PALM2AKAP2: variants seen among roughly 807,000 people sequenced by gnomAD.
PALM2AKAP2 encodes the protein PALM2 and AKAP2 fusion, also known as PALM2-AKAP2 fusion protein.
PALM2AKAP2 carries 37 observed loss-of-function variants against 71.5 expected under a neutral mutation model. The observed-to-expected ratio is 0.52, with a 90% confidence interval of 0.40 to 0.68. The LOEUF (loss-of-function observed/expected upper bound fraction) is 0.68. Ranked by LOEUF, PALM2AKAP2 falls within the 30% of genes least tolerant of loss-of-function variation. The pLI is 0.00. For missense variants in PALM2AKAP2, 1,224 were observed against 1,191.8 expected (o/e 1.03, Z -0.40); for synonymous variants, 468 against 478.8 (o/e 0.98, Z 0.29).
intron 7 of PALM2AKAP2, among the ~76,000 whole-genome samples, chr9:110,032,938 T>A (rs1389819343): frequency 6.6e-6 from 1 of 151,866 alleles, no homozygotes; most frequent in Middle Eastern, 3.4e-3. Flanking sequence ...CCTATTTCTA[T>A]TATAAATAAA....
intron 5 of PALM2AKAP2, among the ~76,000 whole-genome samples, chr9:109,928,579 TA>T (rs1831009580): frequency 6.6e-6 from 1 of 152,188 alleles, no homozygotes; most frequent in Non-Finnish European, 1.5e-5. Context: ...CCTGTCTATA[TA>T]ACCTTAGGGT....
At chr9:109,717,160 T>C (rs1828337235) in intron 1 of PALM2AKAP2, among the ~76,000 whole-genome samples, 1 of 152,052 alleles carries the variant, frequency 6.6e-6, no homozygotes, top group East Asian at 1.9e-4. Flanking sequence ...TAAAAGGTCA[T>C]GATGAAAGAA....
intron 1 of PALM2AKAP2, among the ~76,000 whole-genome samples, chr9:109,720,837 A>G (rs930829750): frequency 6.6e-5 from 10 of 152,178 alleles, no homozygotes; most frequent in African/African-American, 2.4e-4. Context: ...CTTTCAATGA[A>G]TGTTTACTGA....
At chr9:109,987,289 C>G (rs902157708) in intron 6 of PALM2AKAP2, among the ~76,000 whole-genome samples, 2 of 152,070 alleles carry the variant, frequency 1.3e-5, no homozygotes, top group Non-Finnish European at 2.9e-5. Flanking sequence ...CGCCACCACA[C>G]CTGGCTTATT....
At chr9:110,118,513 G>T (rs1835416411) in intron 1 of PALM2AKAP2, among the ~76,000 whole-genome samples, 1 of 152,126 alleles carries the variant, frequency 6.6e-6, no homozygotes, top group Non-Finnish European at 1.5e-5. Flanking sequence ...CTCCCAAAGT[G>T]CTGGGATTAC....
intron 6 of PALM2AKAP2, among the ~76,000 whole-genome samples, chr9:109,993,937 T>A (rs1832527608): frequency 6.6e-6 from 1 of 152,102 alleles, no homozygotes; most frequent in Non-Finnish European, 1.5e-5. Context: ...TCAGCCTCTC[T>A]CTTTTTTCTC....
At chr9:109,774,571 A>G (rs1829322298) in intron 1 of PALM2AKAP2, among the ~76,000 whole-genome samples, 1 of 152,180 alleles carries the variant, frequency 6.6e-6, no homozygotes, top group South Asian at 2.1e-4. Flanking sequence ...TAGATAATAA[A>G]TGACATAGGG....
intron 7 of PALM2AKAP2, among the ~76,000 whole-genome samples, chr9:110,019,598 A>G (rs1428012443): frequency 6.6e-6 from 1 of 152,254 alleles, no homozygotes; most frequent in Non-Finnish European, 1.5e-5. Context: ...TATATACACC[A>G]TGGAATACTA....
chr9:109,769,608 T>G (rs541348009), intron 1 of PALM2AKAP2, among the ~76,000 whole-genome samples: 1 of 152,158 alleles, frequency 6.6e-6, no homozygotes, highest in South Asian at 2.1e-4. Context: ...CCAACAGTGG[T>G]TGGGGGGAAA....
intron 1 of PALM2AKAP2, among the ~76,000 whole-genome samples, chr9:109,812,811 A>C (rs1050807648): frequency 6.6e-6 from 1 of 152,206 alleles, no homozygotes; most frequent in Admixed American, 6.5e-5. Flanking sequence ...ATCCAGCAGC[A>C]TCACTGCCTT....
intron 3 of PALM2AKAP2, among the ~76,000 whole-genome samples, chr9:109,883,846 C>T (rs1418072741): frequency 6.6e-6 from 1 of 152,196 alleles, no homozygotes; most frequent in Non-Finnish European, 1.5e-5. Flanking sequence ...TGCCTGAGTC[C>T]ACTCTTGTTT....
chr9:110,013,109 T>C (rs116010217), intron 6 of PALM2AKAP2, among the ~76,000 whole-genome samples: 1,766 of 152,282 alleles, frequency 0.012, 32 homozygotes, highest in African/African-American at 0.04. Flanking sequence ...CAGGTGCAGA[T>C]TGGATCCAGA....
At chr9:109,898,828 TA>T (rs1830264462) in intron 3 of PALM2AKAP2, among the ~76,000 whole-genome samples, 1 of 152,200 alleles carries the variant, frequency 6.6e-6, no homozygotes, top group African/African-American at 2.4e-5. Flanking sequence ...AGTGACTATT[TA>T]GGGGCTAAGT....
At chr9:109,947,545 C>G (rs1831537495) in intron 6 of PALM2AKAP2, among the ~76,000 whole-genome samples, 1 of 152,320 alleles carries the variant, frequency 6.6e-6, no homozygotes, top group Admixed American at 6.5e-5. Context: ...GAGACAAAAT[C>G]TAACTACTAT....
intron 1 of PALM2AKAP2, among the ~76,000 whole-genome samples, chr9:109,835,879 G>A (rs962775169): frequency 3.3e-5 from 5 of 152,176 alleles, no homozygotes; most frequent in African/African-American, 9.7e-5. Flanking sequence ...CAAAGTGGCC[G>A]GGAAGCTCGA....
chr9:109,940,143 C>G (rs750581876), intron 6 of PALM2AKAP2, among the ~76,000 whole-genome samples: 1 of 151,996 alleles, frequency 6.6e-6, no homozygotes, highest in Non-Finnish European at 1.5e-5. Flanking sequence ...TATTGGGTAC[C>G]TGCTATACAA....
rs371630527 is a variant in PALM2AKAP2 at position 110,059,000 on chromosome 9, A to T, written c.156+10145A>T. Among the ~76,000 whole-genome samples, 7 of 147,956 alleles carry T rather than the reference A, an allele frequency of 4.7e-5. No homozygotes were observed. The South Asian group carries it at 1.5e-3, about 31-fold the overall frequency. ...CTGCAACCTCCGCCCCCTGGGTTCA[A>T]GCGATTCTGCTGCCTCAGCCTCCCT... On this transcript the variant is annotated intron_variant, in intron 1 of 3. Transcript: ENST00000374525.
chr9:109,853,437 A>T (rs533194957), intron 1 of PALM2AKAP2, among the ~76,000 whole-genome samples: 11 of 152,306 alleles, frequency 7.2e-5, no homozygotes, highest in Admixed American at 2.6e-4. Flanking sequence ...TTGCTTTTTA[A>T]ACTGACTATA....
At chr9:109,879,913 G>T (rs1381159228) in intron 2 of PALM2AKAP2, among the ~76,000 whole-genome samples, 2 of 152,098 alleles carry the variant, frequency 1.3e-5, no homozygotes, top group Non-Finnish European at 2.9e-5. Flanking sequence ...GCCCAAGCTG[G>T]TCTACAACTC....
Sources: allele counts gnomAD v4.1 joint callset (sites outside exome capture counted in the v4.1 genomes callset), GRCh38; gene constraint gnomAD v4.1.1; transcripts MANE v1.5; gene names NCBI Gene and HGNC (gene_info 2026-07-23, HGNC 2026-07-21).